The following IL1RL2 variants were observed in gnomAD, a reference collection of about 807,000 sequenced individuals.
IL1RL2 encodes the protein interleukin 1 receptor like 2.
A neutral mutation model predicts 66.8 loss-of-function variants in IL1RL2; 68 were observed. The ratio of observed to expected loss-of-function variants is 1.02; its 90% CI spans 0.84 to 1.25. IL1RL2 has a LOEUF of 1.25. Ranked by LOEUF, IL1RL2 falls within the 50% of genes most tolerant of loss-of-function variation. The pLI is 0.00. For missense variants in IL1RL2, 729 were observed against 709.3 expected (o/e 1.03, Z -0.32); for synonymous variants, 305 against 264.6 (o/e 1.15, Z -1.48).
chr2:102,234,996 C>G lies in IL1RL2; in HGVS notation c.1397C>G (p.Ser466Ter). Residue 466 changes from serine (S) to a stop codon, truncating the protein, a stop_gained, in exon 11 of 12, where the codon TCA becomes TGA. Transcript: ENST00000264257. LOFTEE classifies it high-confidence loss of function. ...GGCTTTGGCCTGTTGAAGAACCTGT[C>G]AGAAGAACAAATCGCGGTCTACAGT... ...SLGFGLLKNL[S>*]EEQIAVYSAL... 6.2e-7 allele frequency: 1 copy of G among 1,614,132 alleles called. No homozygotes were observed. The highest frequency in any genetic ancestry group is 8.5e-7 in the Non-Finnish European group (1 of 1,180,038).
At chr2:102,221,584 C>A (rs1363676834) in intron 8 of IL1RL2, among the ~76,000 whole-genome samples, 1 of 152,186 alleles carries the variant, frequency 6.6e-6, no homozygotes, top group Non-Finnish European at 1.5e-5. Context: ...TGCCAACACC[C>A]AATGAGTTGC....
At chr2:102,189,012 A>T in intron 2 of IL1RL2, 64 bp from the exon 3 acceptor site, 1 of 1,228,198 alleles carries the variant, frequency 8.1e-7, no homozygotes, top group Non-Finnish European at 1.2e-6. Context: ...AAAAAAACTA[A>T]CAGTAAATAA....
At chr2:102,192,174 GT>G in intron 4 of IL1RL2, 54 bp downstream of exon 4, 1 of 1,217,378 alleles carries the variant, frequency 8.2e-7, no homozygotes, top group Non-Finnish European at 1.1e-6. Context: ...AAAACCCACT[GT>G]TTTTTATAGG....
In IL1RL2 at chr2:102,218,959, C is replaced by T. The variant is rs1417546444; in HGVS notation, c.731C>T (p.Thr244Ile). The T allele has an allele frequency of 1.2e-6, 2 of 1,611,926 alleles. No homozygotes were observed. Among genetic ancestry groups the T allele is most frequent in the Admixed American group, 3.4e-5 (2 of 59,650 alleles). The change falls in exon 7 of 12, where the codon ACT (threonine) becomes ATT (isoleucine). Residue 244 changes from threonine to isoleucine, a missense_variant. By Grantham distance (89) the Thr-to-Ile change is moderately conservative (BLOSUM62 -1). Coordinates refer to ENST00000264257, the MANE Select transcript of IL1RL2 (RefSeq NM_003854.4). ...TGATATTGGTTTTTTTTAGGTACCACTCTGATTGTGGACTGCAATGTAACA... is the reference window on the plus strand; with the variant it reads ...TGATATTGGTTTTTTTTAGGTACCATTCTGATTGTGGACTGCAATGTAACA... ...NHSIEVQLGTTLIVDCNVTDT... is the reference protein window; with the variant it reads ...NHSIEVQLGTILIVDCNVTDT...
In IL1RL2 at chr2:102,212,177, G is replaced by T; in HGVS notation, c.724+3G>T. 1 of 1,600,984 alleles carries T rather than the reference G, an allele frequency of 6.2e-7. No homozygotes were observed. The highest frequency in any genetic ancestry group is 8.6e-7 in the Non-Finnish European group (1 of 1,168,280). On this transcript the variant is annotated splice_donor_region_variant and intron_variant, in intron 6 of 11. Coordinates refer to ENST00000264257, the MANE Select transcript of IL1RL2 (RefSeq NM_003854.4). ...TCATTCAATTGAAGTACAGCTTGGT[G>T]AGTAAAATTATTGAAGCCATTGAAA... is the stretch of plus-strand genomic sequence containing the variant.
intron 9 of IL1RL2, 137 bp downstream of exon 9, chr2:102,226,178 G>A (rs1291624995): frequency 3.3e-6 from 2 of 601,708 alleles, no homozygotes; most frequent in East Asian, 3.2e-5. Flanking sequence ...GGAACTGCCT[G>A]TGCTTTAGAG....
At position 102,235,560 on chromosome 2, in the gene IL1RL2, G is replaced by A. The variant is rs1559567742; in HGVS notation, c.1678+283G>A. ...AGGCCTGGATGGATACAGCACTTGG[G>A]CCCCTTGAGAACAGGACATGGAGGG... On this transcript the variant is annotated intron_variant, in intron 11 of 11. Transcript: ENST00000264257. 3.0e-6 allele frequency: 3 copies of A among 985,402 alleles called. No homozygotes were observed. The East Asian group carries it at 3.4e-4, about 112-fold the overall frequency. The allele number at this position is 985,402 out of a possible 1,614,324, so 61.0% of individuals were successfully genotyped here.
chr2:102,187,984 G>C, intron 2 of IL1RL2, 59 bp downstream of exon 2: 3 of 1,516,922 alleles, frequency 2.0e-6, no homozygotes, highest in Non-Finnish European at 2.7e-6. Flanking sequence ...CTCCTGGCCT[G>C]TCATTGGGAG....
chr2:102,240,361 CTTTTTTTTTTTTTT>C (rs551743835), downstream of IL1RL2, among the ~76,000 whole-genome samples: 13 of 79,776 alleles, frequency 1.6e-4, no homozygotes, highest in Non-Finnish European at 1.9e-4. Flanking sequence ...TCTTCTCCTC[CTTTTTTTTTTTTTT>C]TTTTTTTTTT....
intron 8 of IL1RL2, among the ~76,000 whole-genome samples, chr2:102,223,473 A>C (rs1297621376): frequency 9.9e-5 from 15 of 152,204 alleles, no homozygotes; most frequent in Admixed American, 9.8e-4. Context: ...TACCACCATT[A>C]ACCTTTAACA....
chr2:102,190,930 A>G (rs1687175831), intron 3 of IL1RL2, among the ~76,000 whole-genome samples: 1 of 152,210 alleles, frequency 6.6e-6, no homozygotes, highest in African/African-American at 2.4e-5. Context: ...TATTACTAAC[A>G]TCCAGATAGG....
At chr2:102,233,171 C>T (rs539812220) in intron 10 of IL1RL2, 47 bp downstream of exon 10, 87 of 1,547,038 alleles carry the variant, frequency 5.6e-5, no homozygotes, top group Middle Eastern at 3.5e-4. Flanking sequence ...AGAAGGAAAG[C>T]GACCCCTCTG....
intron 10 of IL1RL2, among the ~76,000 whole-genome samples, chr2:102,234,577 TG>T (rs1359845341): frequency 6.6e-6 from 1 of 152,148 alleles, no homozygotes; most frequent in Non-Finnish European, 1.5e-5. Context: ...GCAGATCACT[TG>T]AGGTCAGGAG....
At chr2:102,212,454 A>G (rs1342310565) in intron 6 of IL1RL2, among the ~76,000 whole-genome samples, 1 of 152,262 alleles carries the variant, frequency 6.6e-6, no homozygotes, top group East Asian at 1.9e-4. Flanking sequence ...GAAAATGCAA[A>G]TAATTCTTCA....
chr2:102,239,359 T>C lies in IL1RL2; in HGVS notation c.*118T>C, dbSNP rs879206715. 21 of 934,238 alleles carry C rather than the reference T, an allele frequency of 2.2e-5. 1 individual carries two copies. The highest frequency in any genetic ancestry group is 6.6e-5 in the South Asian group (5 of 75,594). The allele number at this position is 934,238 out of a possible 1,614,324, so 57.9% of individuals were successfully genotyped here. A position where few individuals can be genotyped will look rare whatever the true frequency, so the allele number is the denominator to read the frequency against. ...TAGGGTTAGCATTCTAGACACCCAG[T>C]TGAGCTCAGGCGTAGAGAAGAGGAG... On this transcript the variant is annotated 3_prime_UTR_variant, in exon 12 of 12. Coordinates refer to ENST00000264257, the MANE Select transcript of IL1RL2 (RefSeq NM_003854.4).
downstream of IL1RL2, among the ~76,000 whole-genome samples, chr2:102,240,909 A>G (rs1675212442): frequency 1.3e-5 from 2 of 152,274 alleles, no homozygotes. Context: ...TGAGAAAGAG[A>G]TGAACATTTC....
At position 102,238,328 on chromosome 2, in the gene IL1RL2, C is replaced by A. The variant is rs184195462; in HGVS notation, c.1679-864C>A. On this transcript the variant is annotated intron_variant, in intron 11 of 11. Transcript: ENST00000264257. ...TCATGAGAGAGGCCCTGGGAAAGAC[C>A]CAGTCACATTAAATAAAGGGACCGG... 1.7e-4 allele frequency among the ~76,000 whole-genome samples: 26 copies of A among 152,274 alleles called. 1 individual carries two copies. In the East Asian group the frequency reaches 3.3e-3, roughly 19 times the overall value.
At position 102,235,243 on chromosome 2, in the gene IL1RL2, G is replaced by T; in HGVS notation, c.1644G>T (p.Gln548His). 6.2e-7 allele frequency: 1 copy of T among 1,613,984 alleles called. No individual in the cohort carries two copies. Residue 548 changes from glutamine to histidine, a missense_variant, in exon 11 of 12, where the codon CAG becomes CAT. Physicochemically the swap from Gln to His is conservative, Grantham distance 24 (BLOSUM62 0). Coordinates refer to ENST00000264257, the MANE Select transcript of IL1RL2 (RefSeq NM_003854.4). ...PRRCRPFPPV[Q>H]LLQHTPCYRT... ...GGTGTCGGCCGTTTCCTCCGGTCCAGCTGCTGCAGCACACACCTTGCTACC... is the reference window on the plus strand; with the variant it reads ...GGTGTCGGCCGTTTCCTCCGGTCCATCTGCTGCAGCACACACCTTGCTACC...
At chr2:102,207,689 G>A (rs4471910) in intron 5 of IL1RL2, among the ~76,000 whole-genome samples, 38,944 of 146,812 alleles carry the variant, frequency 0.27, 5,479 homozygotes, top group East Asian at 0.38. Context: ...TGCAAGGTGT[G>A]CAGTCTGGGG....
Sources: gnomAD v4.1 joint callset for allele counts (sites outside exome capture counted in the v4.1 genomes callset) on GRCh38, gnomAD v4.1.1 for gene constraint, MANE v1.5 for transcripts, NCBI Gene and HGNC (gene_info 2026-07-23, HGNC 2026-07-21) for gene names.